Variants in DCAF6 observed in about 807,000 individuals in gnomAD.
The protein encoded by DCAF6 is DDB1- and CUL4-associated factor 6.
DCAF6 carries 54 observed loss-of-function variants against 125.1 expected under a neutral mutation model. The ratio of observed to expected loss-of-function variants is 0.43; its 90% CI spans 0.35 to 0.54. The LOEUF is 0.54. Among genes scored for constraint, DCAF6 ranks in the 20% least tolerant of loss-of-function variants. The probability of loss-of-function intolerance (pLI) is 0.01; values close to 1 mark genes in which losing one functional copy is unlikely to be tolerated. For synonymous variants in DCAF6, 371 were observed against 390.4 expected (o/e 0.95, Z 0.58); for missense variants, 934 against 1,161.7 (o/e 0.80, Z 2.85).
the DCAF6 span, among the ~76,000 whole-genome samples, chr1:167,894,706 G>A: frequency 6.6e-6 from 1 of 152,122 alleles, no homozygotes; most frequent in African/African-American, 2.4e-5. Flanking sequence ...GCACTTTGCT[G>A]AGTTCTGTGA....
intron 17 of DCAF6, among the ~76,000 whole-genome samples, chr1:168,054,525 G>A (rs1048622798): frequency 2.6e-5 from 4 of 152,042 alleles, no homozygotes; most frequent in African/African-American, 7.2e-5. Context: ...GTTTTGGAGG[G>A]GACATGCAAA....
At chr1:168,025,992 C>T (rs1489879281) in intron 12 of DCAF6, among the ~76,000 whole-genome samples, 1 of 152,158 alleles carries the variant, frequency 6.6e-6, no homozygotes, top group Admixed American at 6.5e-5. Flanking sequence ...CTTGTACAGG[C>T]TGTACATCTC....
intron 2 of DCAF6, among the ~76,000 whole-genome samples, chr1:167,965,039 C>A (rs1405142958): frequency 1.3e-5 from 2 of 152,180 alleles, no homozygotes; most frequent in African/African-American, 4.8e-5. Flanking sequence ...ATGTTTGGTT[C>A]TGATGCTGGC....
intron 16 of DCAF6, among the ~76,000 whole-genome samples, chr1:168,050,495 A>T (rs1299162783): frequency 6.6e-6 from 1 of 152,210 alleles, no homozygotes; most frequent in Non-Finnish European, 1.5e-5. Flanking sequence ...TGGTTAGGCC[A>T]AGTGAATTAG....
intron 1 of DCAF6, among the ~76,000 whole-genome samples, chr1:167,943,573 A>G (rs1020320208): frequency 7.2e-5 from 11 of 152,300 alleles, no homozygotes; most frequent in Non-Finnish European, 4.4e-5. Context: ...TGTTACATGC[A>G]TAGATTATGC....
chr1:167,924,527 T>TG, the DCAF6 span: 7 of 1,566,660 alleles, frequency 4.5e-6, 1 homozygote, highest in East Asian at 4.6e-5. Flanking sequence ...AGAAGAAAAC[T>TG]GTTCTGGGAC....
At chr1:167,872,024 TA>T in the DCAF6 span, among the ~76,000 whole-genome samples, 4 of 151,642 alleles carry the variant, frequency 2.6e-5, no homozygotes, top group African/African-American at 9.7e-5. Flanking sequence ...AGTATAATAA[TA>T]AAAAATAAAT....
At chr1:168,072,872 T>C (rs114362113) in intron 21 of DCAF6, among the ~76,000 whole-genome samples, 1,710 of 152,274 alleles carry the variant, frequency 0.011, 30 homozygotes, top group African/African-American at 0.037. Flanking sequence ...CTTCCCCAGT[T>C]TCCTGAAGAA....
At chr1:168,016,075 C>A in intron 11 of DCAF6, 124 bp downstream of exon 11, 1 of 781,608 alleles carries the variant, frequency 1.3e-6, no homozygotes, top group Non-Finnish European at 1.7e-6. Flanking sequence ...CTTACCCCTC[C>A]TTTCCTTGCA....
chr1:167,935,953 T>C (rs1671151438), upstream of DCAF6: 1 of 807,618 alleles, frequency 1.2e-6, no homozygotes, highest in African/African-American at 1.7e-5. Flanking sequence ...CGCGTCCGCC[T>C]CTCGCCTGGA....
chr1:167,968,142 G>T (rs767369922), intron 3 of DCAF6, among the ~76,000 whole-genome samples: 19 of 152,262 alleles, frequency 1.2e-4, no homozygotes, highest in African/African-American at 4.6e-4. Flanking sequence ...ATTGGTGATT[G>T]TATCAGTCGG....
intron 1 of DCAF6, among the ~76,000 whole-genome samples, chr1:167,945,354 T>C (rs900714589): frequency 2.6e-5 from 4 of 152,208 alleles, no homozygotes; most frequent in Non-Finnish European, 4.4e-5. Context: ...TATCCAGTGA[T>C]CATGGGATGT....
chr1:168,037,716 T>G (rs757256703), intron 12 of DCAF6, among the ~76,000 whole-genome samples: 1 of 152,236 alleles, frequency 6.6e-6, no homozygotes, highest in African/African-American at 2.4e-5. Flanking sequence ...ATGAAATTGC[T>G]GTTTCCACAA....
In DCAF6 at chr1:167,966,701, A is replaced by G; in HGVS notation, c.232A>G (p.Ser78Gly). Reference sequence around the variant, plus strand: ...CTCAGATGACACCAAATTAGTAATTAGTAATCCTTACAGCAGAAAGGTAAA... The same window carrying G: ...CTCAGATGACACCAAATTAGTAATTGGTAATCCTTACAGCAGAAAGGTAAA... ...SGSDDTKLVI[S>G]NPYSRKVLTT... The change falls in exon 3 of 22, where the codon AGT becomes GGT. Residue 78 changes from serine (S) to glycine (G), a missense_variant. Physicochemically the swap from Ser to Gly is moderately conservative, Grantham distance 56. Around this residue, in one of 5 missense-constraint regions of DCAF6, gnomAD observed 309 missense variants for 381.2 expected, o/e 0.81. Coordinates refer to ENST00000367840, the MANE Select transcript of DCAF6 (RefSeq NM_001198956.2). The G allele has an allele frequency of 2.5e-6, 4 of 1,592,620 alleles. No individual in the cohort carries two copies. The South Asian group carries it at 3.3e-5, about 13-fold the overall frequency.
At chr1:168,015,113 C>T (rs1684791393) in intron 10 of DCAF6, among the ~76,000 whole-genome samples, 1 of 152,182 alleles carries the variant, frequency 6.6e-6, no homozygotes, top group Non-Finnish European at 1.5e-5. Flanking sequence ...AACAATGCCT[C>T]ATACATAGAA....
chr1:168,001,805 A>G (rs938166144), intron 7 of DCAF6, among the ~76,000 whole-genome samples: 3 of 152,178 alleles, frequency 2.0e-5, no homozygotes, highest in Admixed American at 1.3e-4. Flanking sequence ...TTAGGCTTAA[A>G]TAGAATAAAT....
At chr1:167,901,950 C>A in the DCAF6 span, 1 of 1,608,214 alleles carries the variant, frequency 6.2e-7, no homozygotes, top group Non-Finnish European at 8.5e-7. Context: ...CCTTTGTCCC[C>A]AACACAGAAG....
At chr1:168,045,858 A>G (rs1446304879) in intron 16 of DCAF6, among the ~76,000 whole-genome samples, 2 of 152,144 alleles carry the variant, frequency 1.3e-5, no homozygotes, top group African/African-American at 4.8e-5. Flanking sequence ...TTTTTAAAGT[A>G]TACTGCATTT....
At chr1:167,986,552 C>T (rs1680033637) in intron 4 of DCAF6, among the ~76,000 whole-genome samples, 1 of 152,126 alleles carries the variant, frequency 6.6e-6, no homozygotes, top group African/African-American at 2.4e-5. Flanking sequence ...ACAATTTTTC[C>T]ATGGAGTGGG....
Sources: gnomAD v4.1 joint callset for allele counts (sites outside exome capture counted in the v4.1 genomes callset) on GRCh38, gnomAD v4.1.1 for gene constraint, gnomAD v4.1.1 regional missense constraint, MANE v1.5 for transcripts, NCBI Gene and HGNC (gene_info 2026-07-23, HGNC 2026-07-21) for gene names.